OR6N1: variants seen among roughly 807,000 people sequenced by gnomAD.
OR6N1 encodes olfactory receptor family 6 subfamily N member 1.
For synonymous variants in OR6N1, 170 were observed against 150.7 expected (o/e 1.13, Z -0.94); for missense variants, 394 against 371.7 (o/e 1.06, Z -0.49).
chr1:158,834,301 C>T, the OR6N1 span, among the ~76,000 whole-genome samples: 1 of 147,378 alleles, frequency 6.8e-6, no homozygotes, highest in South Asian at 2.1e-4. Context: ...GGCGCGATCT[C>T]GACTCACTGC....
upstream of OR6N1, chr1:158,774,603 T>C (rs896697518): frequency 3.3e-5 from 5 of 152,202 alleles, no homozygotes; most frequent in Admixed American, 3.3e-4. Context: ...ATCCTATACT[T>C]ATGCATTTTC....
the OR6N1 span, among the ~76,000 whole-genome samples, chr1:158,822,959 G>A: frequency 2.6e-5 from 4 of 152,072 alleles, no homozygotes; most frequent in African/African-American, 7.2e-5. Context: ...TTCATCTATT[G>A]AGATAATCAT....
the OR6N1 span, among the ~76,000 whole-genome samples, chr1:158,832,340 T>C: frequency 4.6e-5 from 7 of 151,926 alleles, no homozygotes; most frequent in Admixed American, 4.6e-4. Flanking sequence ...ATAAAGTTTC[T>C]TAAGTAAGCT....
chr1:158,811,587 T>C, the OR6N1 span, among the ~76,000 whole-genome samples: 1 of 152,164 alleles, frequency 6.6e-6, no homozygotes, highest in Non-Finnish European at 1.5e-5. Flanking sequence ...TGGATGGATG[T>C]AGAGGCCGTA....
At chr1:158,781,157 T>C in the OR6N1 span, 1 of 152,266 alleles carries the variant, frequency 6.6e-6, no homozygotes, top group Non-Finnish European at 1.5e-5. Context: ...AATGTGCCCC[T>C]TAGTTCACCT....
At chr1:158,778,879 G>T in the OR6N1 span, among the ~76,000 whole-genome samples, 1 of 151,908 alleles carries the variant, frequency 6.6e-6, no homozygotes, top group South Asian at 2.1e-4. Flanking sequence ...TCAGCCGGGC[G>T]TGGTGGCGGG....
the OR6N1 span, among the ~76,000 whole-genome samples, chr1:158,826,659 G>A: frequency 6.6e-6 from 1 of 152,166 alleles, no homozygotes; most frequent in Non-Finnish European, 1.5e-5. Context: ...ACCCAAAGGT[G>A]ACCTGTGATA....
At chr1:158,825,016 C>T in the OR6N1 span, among the ~76,000 whole-genome samples, 1 of 152,154 alleles carries the variant, frequency 6.6e-6, no homozygotes, top group Non-Finnish European at 1.5e-5. Context: ...AAACTGTCAA[C>T]AGAGTAAACA....
At chr1:158,795,239 T>C in the OR6N1 span, among the ~76,000 whole-genome samples, 1 of 152,190 alleles carries the variant, frequency 6.6e-6, no homozygotes, top group Non-Finnish European at 1.5e-5. Context: ...AGGTCTCACA[T>C]ACACAGTGTT....
At chr1:158,800,862 TTA>T in the OR6N1 span, among the ~76,000 whole-genome samples, 9 of 152,232 alleles carry the variant, frequency 5.9e-5, no homozygotes, top group Non-Finnish European at 1.3e-4. Context: ...TATGGCTATG[TTA>T]TCCTCAGACA....
intron 1 of OR6N1, among the ~76,000 whole-genome samples, chr1:158,771,062 C>T (rs1657413756): frequency 6.6e-6 from 1 of 152,194 alleles, no homozygotes. Context: ...TTAGCCCAGA[C>T]TCCTTTGTTT....
chr1:158,812,525 G>A, the OR6N1 span, among the ~76,000 whole-genome samples: 44 of 152,290 alleles, frequency 2.9e-4, no homozygotes, highest in African/African-American at 9.9e-4. Flanking sequence ...CAAGAAATTC[G>A]TGGTTTAGCA....
At chr1:158,818,288 G>A in the OR6N1 span, among the ~76,000 whole-genome samples, 1 of 152,120 alleles carries the variant, frequency 6.6e-6, no homozygotes, top group Non-Finnish European at 1.5e-5. Context: ...CCACCTTAGT[G>A]GTCACTCAAT....
intron 1 of OR6N1, among the ~76,000 whole-genome samples, chr1:158,768,368 A>C (rs1657330359): frequency 6.6e-6 from 1 of 152,150 alleles, no homozygotes; most frequent in African/African-American, 2.4e-5. Flanking sequence ...CTCTACCCCT[A>C]GTCTTCCCCA....
chr1:158,767,936 T>C (rs1657319372), intron 1 of OR6N1, among the ~76,000 whole-genome samples: 1 of 152,112 alleles, frequency 6.6e-6, no homozygotes, highest in Non-Finnish European at 1.5e-5. Context: ...CTGGATCCAA[T>C]GGTCATTTCT....
At chr1:158,817,599 A>C in the OR6N1 span, among the ~76,000 whole-genome samples, 2 of 152,170 alleles carry the variant, frequency 1.3e-5, no homozygotes, top group Non-Finnish European at 2.9e-5. Context: ...TGCAAAACTG[A>C]GTGTGCTCCT....
chr1:158,769,979 T>C (rs1170609894), intron 1 of OR6N1, among the ~76,000 whole-genome samples: 1 of 152,192 alleles, frequency 6.6e-6, no homozygotes, highest in Non-Finnish European at 1.5e-5. Context: ...TTTCTACTTC[T>C]TCTCAGACCC....
chr1:158,798,258 C>G, the OR6N1 span, among the ~76,000 whole-genome samples: 4 of 151,272 alleles, frequency 2.6e-5, no homozygotes, highest in Admixed American at 2.6e-4. Context: ...AATTTCTGCT[C>G]CCAGATTTTT....
the OR6N1 span, among the ~76,000 whole-genome samples, chr1:158,836,840 G>C: frequency 6.6e-6 from 1 of 151,638 alleles, no homozygotes; most frequent in Non-Finnish European, 1.5e-5. Context: ...TGTAAATGTA[G>C]TTGTTTAAAT....
Sources: gnomAD v4.1 joint callset for allele counts (sites outside exome capture counted in the v4.1 genomes callset) on GRCh38, gnomAD v4.1.1 for gene constraint, MANE v1.5 for transcripts, NCBI Gene and HGNC (gene_info 2026-07-23, HGNC 2026-07-21) for gene names.